The following RCOR1 variants were observed in gnomAD, a reference collection of about 807,000 sequenced individuals.
RCOR1 encodes the protein REST corepressor 1.
A neutral mutation model predicts 64.0 loss-of-function variants in RCOR1; 12 were observed. The observed-to-expected ratio is 0.19, with a 90% CI of 0.12 to 0.30. The LOEUF is 0.30. Among genes scored for constraint, RCOR1 ranks in the 10% least tolerant of loss-of-function variants. The pLI, the probability that RCOR1 is intolerant of heterozygous loss-of-function variation, is 1.00. For missense variants in RCOR1, 502 were observed against 621.2 expected, an observed-to-expected ratio of 0.81 and a Z score of 2.04; for synonymous variants, 279 against 227.2, an observed-to-expected ratio of 1.23 and a Z score of -2.05.
intron 2 of RCOR1, among the ~76,000 whole-genome samples, chr14:102,597,225 CAGAG>C (rs1048971002): frequency 6.6e-6 from 1 of 152,158 alleles, no homozygotes; most frequent in Admixed American, 6.5e-5. Context: ...AGAATTTGAA[CAGAG>C]AGGTGGACGT....
rs370919016 is a variant in RCOR1 at position 102,704,592 on chromosome 14, C to T, written c.499-2759C>T. ...GATTACAGGTGCCTGCCACCATGCC[C>T]GGCTAATTTTTGTATTTTTAGTAGA... On this transcript the variant is annotated intron_variant, in intron 4 of 11. Coordinates refer to ENST00000262241, the MANE Select transcript of RCOR1 (RefSeq NM_015156.4). 7.2e-5 allele frequency among the ~76,000 whole-genome samples: 11 copies of T among 152,248 alleles called. No individual in the cohort carries two copies. The East Asian group carries it at 7.7e-4, about 11-fold the overall frequency.
intron 2 of RCOR1, among the ~76,000 whole-genome samples, chr14:102,678,455 A>G (rs921256653): frequency 7.9e-5 from 12 of 152,012 alleles, no homozygotes; most frequent in Non-Finnish European, 1.3e-4. Context: ...ACACACCACC[A>G]CACCTGGCTA....
At chr14:102,658,687 T>TAGTAAA in intron 2 of RCOR1, 1 of 895,526 alleles carries the variant, frequency 1.1e-6, no homozygotes, top group Non-Finnish European at 1.3e-6. Flanking sequence ...CCAACACTGA[T>TAGTAAA]ACATTACTAA....
At chr14:102,708,282 A>G (rs1595240565) in intron 5 of RCOR1, among the ~76,000 whole-genome samples, 183 bp from the exon 6 acceptor site, 1 of 152,106 alleles carries the variant, frequency 6.6e-6, no homozygotes, top group African/African-American at 2.4e-5. Context: ...TTGTATCTTT[A>G]GTAGAGACGG....
At chr14:102,638,047 T>TC (rs1251310351) in intron 2 of RCOR1, among the ~76,000 whole-genome samples, 3 of 152,094 alleles carry the variant, frequency 2.0e-5, no homozygotes, top group Non-Finnish European at 2.9e-5. Flanking sequence ...AAATTTAACT[T>TC]CCCCCAGATT....
At chr14:102,666,579 C>T (rs1401408205) in intron 2 of RCOR1, among the ~76,000 whole-genome samples, 1 of 152,116 alleles carries the variant, frequency 6.6e-6, no homozygotes, top group Non-Finnish European at 1.5e-5. Flanking sequence ...ATTTAGTTGC[C>T]TTGTTGCTTT....
chr14:102,642,719 C>T lies in RCOR1; in HGVS notation c.362-39176C>T, dbSNP rs957625607. On this transcript the variant is annotated intron_variant, in intron 2 of 11. Transcript: ENST00000262241. ...GGTATGGTGGCACATGCCTATGGTC[C>T]CAGGTACTCGGGATGCTGAGATGGA... Among the ~76,000 whole-genome samples the T allele has an allele frequency of 5.3e-5, 8 of 151,948 alleles. No homozygotes were observed. The East Asian group carries it at 1.4e-3, about 26-fold the overall frequency.
intron 3 of RCOR1, among the ~76,000 whole-genome samples, chr14:102,697,319 C>A (rs1381854065): frequency 6.6e-6 from 1 of 152,206 alleles, no homozygotes; most frequent in Non-Finnish European, 1.5e-5. Flanking sequence ...GTGTGCCATG[C>A]ACTGCTAGAC....
chr14:102,592,776 C>T lies in RCOR1; in HGVS notation c.-111C>T, dbSNP rs1893153393. 1.7e-6 allele frequency: 2 copies of T among 1,198,714 alleles called. No individual in the cohort carries two copies. Among genetic ancestry groups the T allele is most frequent in the South Asian group, 4.2e-5 (1 of 24,062 alleles). The allele number at this position is 1,198,714 out of a possible 1,614,324, so 74.3% of individuals were successfully genotyped here. The stretch of plus-strand genomic sequence containing the variant: ...ACTCGGACTCGCGCCCGTGGGCTCC[C>T]GCCGCGCCCGCCCGGCCCCGCGCCG... On this transcript the variant is annotated 5_prime_UTR_variant, in exon 1 of 12. Coordinates refer to ENST00000262241, the MANE Select transcript of RCOR1 (RefSeq NM_015156.4).
intron 2 of RCOR1, among the ~76,000 whole-genome samples, chr14:102,644,394 T>C (rs1894437821): frequency 6.6e-6 from 1 of 152,200 alleles, no homozygotes; most frequent in African/African-American, 2.4e-5. Context: ...AGAAGTGGAA[T>C]TGCAGTCAGA....
intron 2 of RCOR1, among the ~76,000 whole-genome samples, chr14:102,677,982 C>G (rs1382514377): frequency 1.3e-5 from 2 of 151,550 alleles, no homozygotes; most frequent in African/African-American, 2.4e-5. Flanking sequence ...GCGGATCACT[C>G]GCGGTTAGGA....
intron 2 of RCOR1, among the ~76,000 whole-genome samples, chr14:102,615,128 G>GGCC (rs1567408575): frequency 7.5e-6 from 1 of 132,494 alleles, no homozygotes; most frequent in Admixed American, 8.2e-5. Flanking sequence ...ATAGTGCCCG[G>GGCC]CCCCCCCGCC....
chr14:102,710,056 G>A (rs1412317156), intron 6 of RCOR1, among the ~76,000 whole-genome samples: 3 of 152,222 alleles, frequency 2.0e-5, no homozygotes, highest in Non-Finnish European at 4.4e-5. Flanking sequence ...GGACTTGCCT[G>A]TGAAAGTCAT....
intron 6 of RCOR1, among the ~76,000 whole-genome samples, 158 bp downstream of exon 6, chr14:102,708,741 A>AT (rs1279001288): frequency 2.6e-5 from 4 of 151,226 alleles, no homozygotes; most frequent in African/African-American, 4.9e-5. Context: ...TTATTCAGGT[A>AT]TTTTTTCTCA....
intron 2 of RCOR1, among the ~76,000 whole-genome samples, chr14:102,677,098 G>T (rs1269079337): frequency 7.6e-6 from 1 of 130,810 alleles, no homozygotes; most frequent in African/African-American, 3.0e-5. Context: ...CTTCCCAGTA[G>T]GGGCGGCCGG....
At chr14:102,703,063 C>A (rs910317307) in intron 4 of RCOR1, among the ~76,000 whole-genome samples, 1 of 152,118 alleles carries the variant, frequency 6.6e-6, no homozygotes, top group Non-Finnish European at 1.5e-5. Flanking sequence ...AAATTCTAGA[C>A]CCTAAACACT....
chr14:102,696,367 C>T (rs1895648954), intron 3 of RCOR1, among the ~76,000 whole-genome samples: 1 of 152,008 alleles, frequency 6.6e-6, no homozygotes, highest in South Asian at 2.1e-4. Flanking sequence ...TGAGGAAGCC[C>T]ATAACTCATT....
At position 102,701,335 on chromosome 14, in the gene RCOR1, T is replaced by TA. The variant is rs749092512; in HGVS notation, c.498+6dup. 1 of 1,572,908 alleles carries TA rather than the reference T, an allele frequency of 6.4e-7. No individual in the cohort carries two copies. Among genetic ancestry groups the TA allele is most frequent in the South Asian group, 1.2e-5 (1 of 83,328 alleles). On this transcript the variant is annotated splice_donor_region_variant and intron_variant, in intron 4 of 11. Transcript: ENST00000262241. ...CATGGGTACAACATGGAACAGGTAA[T>TA]ATCATGGTTTTCTTTCTTTTGCTGT...
chr14:102,619,621 C>G (rs1489202990), intron 2 of RCOR1, among the ~76,000 whole-genome samples: 1 of 152,028 alleles, frequency 6.6e-6, no homozygotes, highest in Non-Finnish European at 1.5e-5. Context: ...GCTGGGACTA[C>G]AGATGTGTGC....
Sources: allele counts gnomAD v4.1 joint callset (sites outside exome capture counted in the v4.1 genomes callset), GRCh38; gene constraint gnomAD v4.1.1; transcripts MANE v1.5; gene names NCBI Gene and HGNC (gene_info 2026-07-23, HGNC 2026-07-21).